Variants in PDE9A observed in about 807,000 individuals in gnomAD.
The protein encoded by PDE9A is phosphodiesterase 9A.
PDE9A carries 60 observed loss-of-function variants against 87.4 expected under a neutral mutation model. The observed-to-expected ratio is 0.69, with a 90% CI of 0.56 to 0.85. PDE9A has a LOEUF of 0.85. Ranked by LOEUF, PDE9A falls within the 40% of genes least tolerant of loss-of-function variation. The pLI is 0.00. For missense variants in PDE9A, 665 were observed against 779.0 expected (o/e 0.85, Z 1.74); for synonymous variants, 272 against 279.4 (o/e 0.97, Z 0.27).
intron 2 of PDE9A, among the ~76,000 whole-genome samples, chr21:42,686,997 G>T (rs735093): frequency 0.062 from 9,461 of 152,230 alleles, 894 homozygotes; most frequent in African/African-American, 0.2. Flanking sequence ...TTCAGAAATG[G>T]GTTGAAAAGA....
At chr21:42,721,682 A>G (rs901002389) in intron 4 of PDE9A, among the ~76,000 whole-genome samples, 1 of 152,118 alleles carries the variant, frequency 6.6e-6, no homozygotes, top group Non-Finnish European at 1.5e-5. Context: ...GTCAGGAGAG[A>G]GCAAAAGTGG....
chr21:42,767,198 TAGGG>T (rs2056494901), intron 15 of PDE9A, among the ~76,000 whole-genome samples: 1 of 151,528 alleles, frequency 6.6e-6, no homozygotes, highest in Non-Finnish European at 1.5e-5. Flanking sequence ...TGGGCCCCAA[TAGGG>T]AGGCCTCTGA....
In PDE9A at chr21:42,760,519, C is replaced by A; in HGVS notation, c.1002+87C>A. 1.2e-6 allele frequency: 1 copy of A among 822,374 alleles called. No individual in the cohort carries two copies. The highest frequency in any genetic ancestry group is 2.0e-6 in the Non-Finnish European group (1 of 505,176). The allele number at this position is 822,374 out of a possible 1,614,324, so 50.9% of individuals were successfully genotyped here. On this transcript the variant is annotated intron_variant, in intron 12 of 19. Coordinates refer to ENST00000291539, the MANE Select transcript of PDE9A (RefSeq NM_002606.3). This position sits in a 1 kb window ranked among gnomAD's most constrained non-coding sequence, Gnocchi z 5.2. ...CCAGGGAGCGGCAGCCCCATCCCACCAAGAGAGCCACAGGCGTGGGGTCCC... is the reference window on the plus strand; with the variant it reads ...CCAGGGAGCGGCAGCCCCATCCCACAAAGAGAGCCACAGGCGTGGGGTCCC...
chr21:42,764,077 AGC>A (rs1404738700), intron 14 of PDE9A, among the ~76,000 whole-genome samples: 4 of 152,240 alleles, frequency 2.6e-5, no homozygotes, highest in Admixed American at 6.5e-5. Flanking sequence ...GTGCTGTGCC[AGC>A]CACTGTGAGT....
At chr21:42,764,983 G>GTGGA (rs780841485) in intron 14 of PDE9A, among the ~76,000 whole-genome samples, 52,191 of 118,176 alleles carry the variant, frequency 0.44, 10,708 homozygotes, top group Non-Finnish European at 0.51. Flanking sequence ...GGGTGGGTGG[G>GTGGA]TGGATGGATG....
At chr21:42,761,818 C>T (rs547821671) in intron 13 of PDE9A, among the ~76,000 whole-genome samples, 1 of 152,326 alleles carries the variant, frequency 6.6e-6, no homozygotes, top group South Asian at 2.1e-4. Context: ...GCCGTGATGC[C>T]TCAGGGCCTG....
Position 42,745,347 on chromosome 21 carries a change from G to A in PDE9A, c.653+1487G>A, listed in dbSNP as rs149016407. Among the ~76,000 whole-genome samples, 41 of 152,344 alleles carry A rather than the reference G, an allele frequency of 2.7e-4. 1 individual carries two copies. Among genetic ancestry groups the A allele is most frequent in the African/African-American group, 9.4e-4 (39 of 41,574 alleles). On this transcript the variant is annotated intron_variant, in intron 8 of 19. Coordinates refer to ENST00000291539, the MANE Select transcript of PDE9A (RefSeq NM_002606.3). ...GTCCCATGCACTCATGGGCTCATTT[G>A]GAGTTAGGGATGTCTCAGCCCAATT...
At chr21:42,665,938 C>T (rs1468033853) in intron 1 of PDE9A, among the ~76,000 whole-genome samples, 2 of 152,204 alleles carry the variant, frequency 1.3e-5, no homozygotes, top group Non-Finnish European at 2.9e-5. Flanking sequence ...CCATGAGGCC[C>T]CGTTGAAGTC....
At chr21:42,710,739 G>A (rs1234361745) in intron 4 of PDE9A, among the ~76,000 whole-genome samples, 2 of 152,218 alleles carry the variant, frequency 1.3e-5, no homozygotes, top group African/African-American at 4.8e-5. Flanking sequence ...TGTAATCCTA[G>A]CTCTTTGGAA....
rs73905759 is a variant in PDE9A, at chr21:42,736,175, G to A, written c.568+2749G>A. ...TGCCAGCTCCCCCCATGCTCTTCCCGGAAAGTGCAAACAGGCAAGTTGAAG... is the reference window on the plus strand; with the variant it reads ...TGCCAGCTCCCCCCATGCTCTTCCCAGAAAGTGCAAACAGGCAAGTTGAAG... On this transcript the variant is annotated intron_variant, in intron 7 of 19. Transcript: ENST00000291539. Among the ~76,000 whole-genome samples the A allele has an allele frequency of 6.1e-3, 932 of 152,176 alleles. 8 individuals are homozygous for A. The highest frequency in any genetic ancestry group is 0.021 in the African/African-American group (891 of 41,504).
At chr21:42,726,592 C>CTA (rs2051062252) in intron 4 of PDE9A, among the ~76,000 whole-genome samples, 8 of 74,240 alleles carry the variant, frequency 1.1e-4, no homozygotes, top group African/African-American at 5.7e-4. Context: ...CCACGCCTGG[C>CTA]CATATATATA....
intron 4 of PDE9A, among the ~76,000 whole-genome samples, chr21:42,728,644 G>A (rs1235010213): frequency 6.6e-6 from 1 of 152,146 alleles, no homozygotes; most frequent in Non-Finnish European, 1.5e-5. Flanking sequence ...ATGTTGGCAT[G>A]TAGTTTTCTT....
At chr21:42,703,326 A>G (rs1035148513) in intron 4 of PDE9A, among the ~76,000 whole-genome samples, 16 of 152,144 alleles carry the variant, frequency 1.1e-4, no homozygotes, top group African/African-American at 2.4e-4. Flanking sequence ...GCCAGCAGGG[A>G]GTGAGTGAGC....
Position 42,759,095 on chromosome 21 carries a change from A to C in PDE9A, c.897+10A>C. On this transcript the variant is annotated intron_variant, in intron 11 of 19. Transcript: ENST00000291539. The surrounding 1 kb of genome is among the most constrained non-coding windows in gnomAD (Gnocchi z 7.2). The stretch of plus-strand genomic sequence containing the variant: ...CCTCAGGAGGTGGCTGGTGAGTGCC[A>C]AACCCGCCTTCGGTTCTTCCTGGGC... 1 of 1,604,852 alleles carries C rather than the reference A, an allele frequency of 6.2e-7. No homozygotes were observed. Among genetic ancestry groups the C allele is most frequent in the East Asian group, 2.2e-5 (1 of 44,826 alleles).
At chr21:42,773,790 G>A (rs567712476) in intron 19 of PDE9A, among the ~76,000 whole-genome samples, 2 of 151,586 alleles carry the variant, frequency 1.3e-5, no homozygotes, top group South Asian at 4.2e-4. Flanking sequence ...AACAGAGCGA[G>A]ACTTCGTCTC....
chr21:42,686,713 G>A (rs1199806915), intron 2 of PDE9A, among the ~76,000 whole-genome samples: 2 of 152,216 alleles, frequency 1.3e-5, no homozygotes, highest in African/African-American at 4.8e-5. Flanking sequence ...TGCTTGGGAG[G>A]CTGAGGCAGG....
intron 1 of PDE9A, among the ~76,000 whole-genome samples, chr21:42,685,943 G>A (rs78355380): frequency 0.12 from 18,462 of 152,104 alleles, 1,265 homozygotes; most frequent in Middle Eastern, 0.2. Flanking sequence ...ACGGACAGGC[G>A]TGTGGGCAAG....
intron 2 of PDE9A, 75 bp downstream of exon 2, chr21:42,686,337 G>C: frequency 8.2e-7 from 1 of 1,215,302 alleles, no homozygotes; most frequent in East Asian, 2.3e-5. Flanking sequence ...TGGGAGGGGC[G>C]GGAAGAGGCG....
intron 2 of PDE9A, among the ~76,000 whole-genome samples, chr21:42,687,461 C>A (rs1296322347): frequency 6.6e-6 from 1 of 152,098 alleles, no homozygotes; most frequent in African/African-American, 2.4e-5. Context: ...GCAAGAGGCC[C>A]CAAAACATGT....
Sources: gnomAD v4.1 joint callset for allele counts (sites outside exome capture counted in the v4.1 genomes callset) on GRCh38, gnomAD v4.1.1 for gene constraint, Gnocchi (gnomAD v3.1) non-coding constraint, MANE v1.5 for transcripts, NCBI Gene and HGNC (gene_info 2026-07-23, HGNC 2026-07-21) for gene names.